The following CNTNAP5 variants were observed in gnomAD, a reference collection of about 807,000 sequenced individuals.
The protein encoded by CNTNAP5 is contactin-associated protein-like 5.
CNTNAP5 carries 72 observed loss-of-function variants against 150.2 expected under a neutral mutation model. The ratio of observed to expected loss-of-function variants is 0.48; its 90% confidence interval spans 0.40 to 0.58. CNTNAP5 has a LOEUF of 0.58. CNTNAP5 is among the 20% of genes least tolerant of loss of function. CNTNAP5 has a pLI of 0.00. For synonymous variants in CNTNAP5, 672 were observed against 619.8 expected, an observed-to-expected ratio of 1.08 and a Z score of -1.25; for missense variants, 1,636 against 1,626.2, an observed-to-expected ratio of 1.01 and a Z score of -0.10.
chr2:124,137,827 C>T (rs1684013687), intron 1 of CNTNAP5, among the ~76,000 whole-genome samples: 1 of 151,590 alleles, frequency 6.6e-6, no homozygotes, highest in South Asian at 2.1e-4. Context: ...TGCAGAGGGC[C>T]ATGAGCCTAG....
At chr2:124,689,122 C>T (rs759896886) in intron 13 of CNTNAP5, among the ~76,000 whole-genome samples, 2 of 152,088 alleles carry the variant, frequency 1.3e-5, no homozygotes, top group Admixed American at 6.6e-5. Flanking sequence ...TTCTACTTTG[C>T]ATGCCACCAC....
intron 21 of CNTNAP5, among the ~76,000 whole-genome samples, chr2:124,873,775 G>T (rs968545898): frequency 2.6e-5 from 4 of 151,990 alleles, no homozygotes; most frequent in Non-Finnish European, 5.9e-5. Flanking sequence ...TGCTTTGTAG[G>T]ACATTTCCAA....
chr2:124,554,845 G>C (rs1695714190), intron 10 of CNTNAP5, among the ~76,000 whole-genome samples: 1 of 152,128 alleles, frequency 6.6e-6, no homozygotes, highest in Non-Finnish European at 1.5e-5. Flanking sequence ...TCCTACAAGA[G>C]ACACAAACTA....
intron 11 of CNTNAP5, among the ~76,000 whole-genome samples, chr2:124,603,303 C>T (rs922024180): frequency 1.3e-5 from 2 of 151,976 alleles, no homozygotes; most frequent in African/African-American, 2.4e-5. Flanking sequence ...TCTTGGGGCT[C>T]GAATACATTT....
intron 4 of CNTNAP5, among the ~76,000 whole-genome samples, chr2:124,427,549 C>T (rs749396328): frequency 3.2e-4 from 49 of 151,936 alleles, no homozygotes; most frequent in South Asian, 8.3e-4. Flanking sequence ...CTCTGCCTCC[C>T]GGGTTCAAGC....
intron 3 of CNTNAP5, among the ~76,000 whole-genome samples, chr2:124,284,223 T>C (rs1401731306): frequency 6.6e-6 from 1 of 152,150 alleles, no homozygotes; most frequent in African/African-American, 2.4e-5. Flanking sequence ...TGTATAAGTT[T>C]TGTTAATAGT....
intron 17 of CNTNAP5, among the ~76,000 whole-genome samples, chr2:124,786,398 AGAAGGAAGGAAGGAAGGAAGGAAGGAAG>A (rs773411166): frequency 4.4e-5 from 2 of 45,156 alleles, no homozygotes; most frequent in African/African-American, 9.8e-5. Flanking sequence ...AAAGAAAGAA[AGAAGGAAGGAAGGAAGGAAGGAAGGAAG>A]GAAGGAAGGA....
chr2:124,667,082 TA>T (rs1678717215), intron 13 of CNTNAP5, among the ~76,000 whole-genome samples: 2 of 152,190 alleles, frequency 1.3e-5, no homozygotes, highest in Non-Finnish European at 2.9e-5. Flanking sequence ...ATTGATATTA[TA>T]AAGGACTTTA....
intron 1 of CNTNAP5, among the ~76,000 whole-genome samples, chr2:124,128,504 G>C (rs1056316372): frequency 3.3e-5 from 5 of 152,170 alleles, no homozygotes; most frequent in Admixed American, 1.3e-4. Flanking sequence ...ACAGTGTGGC[G>C]ATTCCTCAAG....
At chr2:124,558,176 T>C (rs985888189) in intron 10 of CNTNAP5, among the ~76,000 whole-genome samples, 4 of 152,184 alleles carry the variant, frequency 2.6e-5, no homozygotes, top group African/African-American at 9.7e-5. Flanking sequence ...ATTGCAGTTA[T>C]TCTGGTGAGT....
intron 14 of CNTNAP5, among the ~76,000 whole-genome samples, chr2:124,747,918 T>G (rs938395060): frequency 6.7e-6 from 1 of 149,638 alleles, no homozygotes; most frequent in Non-Finnish European, 1.5e-5. Flanking sequence ...ATTACAGGCA[T>G]GAGCCACCGC....
intron 4 of CNTNAP5, among the ~76,000 whole-genome samples, chr2:124,421,267 T>C (rs1171998004): frequency 6.6e-6 from 1 of 152,170 alleles, no homozygotes; most frequent in Non-Finnish European, 1.5e-5. Flanking sequence ...ACTTAAAGTA[T>C]AGTAGATATA....
chr2:124,792,879 C>T (rs1681763932), intron 18 of CNTNAP5, among the ~76,000 whole-genome samples: 1 of 152,134 alleles, frequency 6.6e-6, no homozygotes, highest in Non-Finnish European at 1.5e-5. Context: ...TTTTAATTGC[C>T]AAAGAGTGTT....
chr2:124,538,342 GT>G, intron 10 of CNTNAP5, among the ~76,000 whole-genome samples: 1 of 152,234 alleles, frequency 6.6e-6, no homozygotes, highest in Admixed American at 6.5e-5. Context: ...TCCAGGCATG[GT>G]GGCGCACGCC....
intron 3 of CNTNAP5, among the ~76,000 whole-genome samples, chr2:124,274,766 T>C (rs1385161937): frequency 6.6e-6 from 1 of 152,174 alleles, no homozygotes; most frequent in Non-Finnish European, 1.5e-5. Flanking sequence ...CACTAGGGAT[T>C]GTCTGCTCCA....
At chr2:124,896,751 C>T (rs980675853) in intron 21 of CNTNAP5, among the ~76,000 whole-genome samples, 1 of 151,356 alleles carries the variant, frequency 6.6e-6, no homozygotes, top group African/African-American at 2.5e-5. Context: ...GTTGGCCAGG[C>T]TGGTCTCGAA....
intron 13 of CNTNAP5, among the ~76,000 whole-genome samples, chr2:124,733,798 G>A (rs1245564362): frequency 6.6e-6 from 1 of 152,188 alleles, no homozygotes; most frequent in Non-Finnish European, 1.5e-5. Flanking sequence ...AGATTGCAGT[G>A]ATGTGCAGGC....
intron 1 of CNTNAP5, among the ~76,000 whole-genome samples, chr2:124,133,856 G>A (rs550077881): frequency 2.0e-5 from 3 of 152,166 alleles, no homozygotes; most frequent in Non-Finnish European, 4.4e-5. Flanking sequence ...AAACCCCATA[G>A]TGTATATTTT....
At chr2:124,038,656 A>C (rs775090495) in intron 1 of CNTNAP5, among the ~76,000 whole-genome samples, 1 of 152,240 alleles carries the variant, frequency 6.6e-6, no homozygotes, top group Non-Finnish European at 1.5e-5. Context: ...ATATGATTTT[A>C]ATATGTAAAA....
Sources: allele counts gnomAD v4.1 joint callset (sites outside exome capture counted in the v4.1 genomes callset), GRCh38; gene constraint gnomAD v4.1.1; transcripts MANE v1.5; gene names NCBI Gene and HGNC (gene_info 2026-07-23, HGNC 2026-07-21).